Variants in HDAC4 observed in about 807,000 individuals in gnomAD.
HDAC4 encodes histone deacetylase 4.
In HDAC4, 16 loss-of-function variants were observed where a neutral mutation model predicts 135.1. That is an observed-to-expected ratio of 0.12 (90% CI 0.08 to 0.18). The LOEUF (loss-of-function observed/expected upper bound fraction) is 0.18, where lower values mean the gene tolerates loss of function less well. Ranked by LOEUF, HDAC4 falls within the 10% of genes least tolerant of loss-of-function variation. HDAC4 has a pLI of 1.00. For missense variants in HDAC4, 1,143 were observed against 1,511.8 expected, an observed-to-expected ratio of 0.76 and a Z score of 4.05; for synonymous variants, 685 against 653.4, an observed-to-expected ratio of 1.05 and a Z score of -0.74.
intron 17 of HDAC4, among the ~76,000 whole-genome samples, chr2:239,092,971 G>A (rs554380961): frequency 4.6e-5 from 7 of 152,016 alleles, no homozygotes; most frequent in African/African-American, 7.2e-5. Flanking sequence ...AGCTTCCCAC[G>A]GATAATCCCA....
At chr2:239,124,684 G>A (rs1020826198) in intron 12 of HDAC4, among the ~76,000 whole-genome samples, 34 of 135,228 alleles carry the variant, frequency 2.5e-4, no homozygotes, top group African/African-American at 7.4e-4. Flanking sequence ...GCGTGTGGCC[G>A]CGTTATATGA....
chr2:239,146,432 G>C lies in HDAC4; in HGVS notation c.734-1718C>G, dbSNP rs1034736693. On this transcript the variant is annotated intron_variant, in intron 7 of 26. Coordinates refer to ENST00000543185, the MANE Select transcript of HDAC4 (RefSeq NM_001378414.1). The surrounding 1 kb of genome is among the most constrained non-coding windows in gnomAD (Gnocchi z 4.5). ...CAGGGTCCCTGGCCCTGTGTGAAAG[G>C]TCTTCCTCAGTGGCTGCCCTGCCAC... Among the ~76,000 whole-genome samples, 5 of 152,174 alleles carry C rather than the reference G, an allele frequency of 3.3e-5. No homozygotes were observed. The highest frequency in any genetic ancestry group is 6.5e-5 in the Admixed American group (1 of 15,286).
chr2:239,356,985 A>C (rs545394811), intron 1 of HDAC4, among the ~76,000 whole-genome samples: 68 of 152,310 alleles, frequency 4.5e-4, no homozygotes, highest in African/African-American at 1.6e-3. Context: ...GACAGAAAAT[A>C]AGAACAGAGA....
At chr2:239,096,435 ACCC>A (rs1210276612) in intron 16 of HDAC4, among the ~76,000 whole-genome samples, 2 of 110,778 alleles carry the variant, frequency 1.8e-5, no homozygotes, top group East Asian at 6.1e-4. Flanking sequence ...GGACGACTGC[ACCC>A]CCATCACCCC....
Position 239,111,719 on chromosome 2 carries a change from G to C in HDAC4, c.1792-7C>G. ...GCTCCAGCAGGAGGGCTTGCTGCGG[G>C]GAAGAAACGGCCGTGTTGGCGGTTG... On this transcript the variant is annotated splice_polypyrimidine_tract_variant and splice_region_variant and intron_variant, in intron 13 of 26. Transcript: ENST00000543185. The C allele has an allele frequency of 1.3e-6, 2 of 1,589,308 alleles. No homozygotes were observed. The highest frequency in any genetic ancestry group is 1.3e-5 in the African/African-American group (1 of 74,390).
At chr2:239,133,703 G>A (rs749405632) in intron 11 of HDAC4, among the ~76,000 whole-genome samples, 5 of 152,208 alleles carry the variant, frequency 3.3e-5, no homozygotes, top group African/African-American at 7.2e-5. Context: ...CTGACCTCAC[G>A]TGATCCGCCT....
chr2:239,101,498 G>A (rs985444394), intron 16 of HDAC4, among the ~76,000 whole-genome samples: 2 of 152,162 alleles, frequency 1.3e-5, no homozygotes, highest in Non-Finnish European at 2.9e-5. Context: ...TGCAGTCAAC[G>A]AGCCAGGCAC....
rs1490474457 is a variant in HDAC4, at chr2:239,139,398, G to C, written c.978+286C>G. On this transcript the variant is annotated intron_variant, in intron 9 of 26. Coordinates refer to ENST00000543185, the MANE Select transcript of HDAC4 (RefSeq NM_001378414.1). The surrounding 1 kb of genome is among the most constrained non-coding windows in gnomAD (Gnocchi z 5.3). ...TGGGCTTGTGCTGGGACACCATCTA[G>C]TGACATCTGCTCTGGAAGAGGTCAG... 2.6e-5 allele frequency among the ~76,000 whole-genome samples: 4 copies of C among 152,148 alleles called. No homozygotes were observed. Among genetic ancestry groups the C allele is most frequent in the African/African-American group, 4.8e-5 (2 of 41,438 alleles).
intron 25 of HDAC4, among the ~76,000 whole-genome samples, chr2:239,054,101 G>T (rs1456815176): frequency 6.6e-6 from 1 of 152,074 alleles, no homozygotes. Context: ...CCCAGGGTCA[G>T]CTTCAGGGCT....
At chr2:239,136,083 C>T (rs2040934729) in intron 9 of HDAC4, among the ~76,000 whole-genome samples, 1 of 152,168 alleles carries the variant, frequency 6.6e-6, no homozygotes, top group Admixed American at 6.5e-5. Flanking sequence ...TACACAGTAG[C>T]TACTCAAGGA....
intron 19 of HDAC4, among the ~76,000 whole-genome samples, chr2:239,084,632 G>A (rs562185688): frequency 6.9e-4 from 97 of 140,982 alleles, no homozygotes; most frequent in Middle Eastern, 4.7e-3. Flanking sequence ...ACCACAGACA[G>A]AGACACACGT....
chr2:239,097,161 C>T (rs2037186977), intron 16 of HDAC4, among the ~76,000 whole-genome samples: 1 of 152,262 alleles, frequency 6.6e-6, no homozygotes, highest in Admixed American at 6.5e-5. Context: ...GGAGCCCGCG[C>T]TCCTCTCCAC....
rs1402528660 is a variant in HDAC4, at chr2:239,052,676, C to CT, written c.*420dup. 4.1e-5 allele frequency: 10 copies of CT among 242,502 alleles called. No homozygotes were observed. Among genetic ancestry groups the CT allele is most frequent in the African/African-American group, 2.0e-4 (9 of 44,572 alleles). 15.0% of individuals were successfully genotyped at this position (242,502 alleles called of 1,614,324 possible). On this transcript the variant is annotated 3_prime_UTR_variant, in exon 27 of 27. Coordinates refer to ENST00000543185, the MANE Select transcript of HDAC4 (RefSeq NM_001378414.1). Reference sequence around the variant, plus strand: ...AGACTGTGGAGTTGTGGGTAATAAACTTTAAGCACCAGTTTTAATCAAGTT... The same window carrying CT: ...AGACTGTGGAGTTGTGGGTAATAAACTTTTAAGCACCAGTTTTAATCAAGTT...
chr2:239,075,323 G>A (rs944773728), intron 22 of HDAC4, among the ~76,000 whole-genome samples: 41 of 148,876 alleles, frequency 2.8e-4, no homozygotes, highest in African/African-American at 9.8e-4. Context: ...TTTAAGGAGA[G>A]TATTTCCATG....
intron 2 of HDAC4, among the ~76,000 whole-genome samples, chr2:239,304,522 C>T (rs1447704158): frequency 6.6e-6 from 1 of 152,184 alleles, no homozygotes; most frequent in Non-Finnish European, 1.5e-5. Flanking sequence ...GAAAGCTCCA[C>T]GTGCAAAGTG....
At chr2:239,129,875 C>T (rs2040449691) in intron 11 of HDAC4, among the ~76,000 whole-genome samples, 1 of 152,182 alleles carries the variant, frequency 6.6e-6, no homozygotes, top group African/African-American at 2.4e-5. Flanking sequence ...TGTGCAAATG[C>T]ATCACTTAGA....
At chr2:239,280,428 T>G (rs934561371) in intron 2 of HDAC4, among the ~76,000 whole-genome samples, 3 of 151,974 alleles carry the variant, frequency 2.0e-5, no homozygotes, top group African/African-American at 7.3e-5. Flanking sequence ...AAACATTGAG[T>G]CAGCATGACT....
intron 2 of HDAC4, among the ~76,000 whole-genome samples, chr2:239,344,931 G>C (rs1575723963): frequency 6.6e-6 from 1 of 151,986 alleles, no homozygotes; most frequent in East Asian, 1.9e-4. Flanking sequence ...AGAACCCCCA[G>C]GGCTGCCCAC....
At chr2:239,193,102 C>T (rs2045111961) in intron 3 of HDAC4, among the ~76,000 whole-genome samples, 1 of 152,168 alleles carries the variant, frequency 6.6e-6, no homozygotes, top group Admixed American at 6.5e-5. Flanking sequence ...CTACGTCTCG[C>T]CTCATTTATC....
Sources: gnomAD v4.1 joint callset for allele counts (sites outside exome capture counted in the v4.1 genomes callset) on GRCh38, gnomAD v4.1.1 for gene constraint, Gnocchi (gnomAD v3.1) non-coding constraint, MANE v1.5 for transcripts, NCBI Gene and HGNC (gene_info 2026-07-23, HGNC 2026-07-21) for gene names.